Variants in NCK2 observed in about 807,000 individuals in gnomAD.
NCK2 encodes cytoplasmic protein NCK2.
Under a neutral mutation model 33.9 loss-of-function variants are expected in NCK2, and 16 were observed. The ratio of observed to expected loss-of-function variants is 0.47; its 90% CI spans 0.32 to 0.72. The LOEUF (loss-of-function observed/expected upper bound fraction) is 0.72, where lower values mean the gene tolerates loss of function less well. Ranked by LOEUF, NCK2 falls within the 30% of genes least tolerant of loss-of-function variation. The probability of loss-of-function intolerance (pLI) is 0.03; values close to 1 mark genes in which losing one functional copy is unlikely to be tolerated. For missense variants in NCK2, 418 were observed against 537.3 expected (o/e 0.78, Z 2.19); for synonymous variants, 273 against 239.9 (o/e 1.14, Z -1.27).
At chr2:105,833,834 GT>G (rs1043258248) in intron 2 of NCK2, among the ~76,000 whole-genome samples, 7 of 152,018 alleles carry the variant, frequency 4.6e-5, no homozygotes, top group Non-Finnish European at 5.9e-5. Context: ...GTATCCCACA[GT>G]TTTTGGTATA....
At position 105,893,457 on chromosome 2, in the gene NCK2, C is replaced by T. The variant is rs913771424; in HGVS notation, c.*281C>T. On this transcript the variant is annotated 3_prime_UTR_variant, in exon 5 of 5. Transcript: ENST00000233154. Reference sequence around the variant, plus strand: ...GGCGCTCGTGCATTCAACTCGTTCCCGCTCATGGAACCCCTCTTTAAAAAG... The same window carrying T: ...GGCGCTCGTGCATTCAACTCGTTCCTGCTCATGGAACCCCTCTTTAAAAAG... The T allele has an allele frequency of 2.0e-5, 7 of 356,438 alleles. No homozygotes were observed. The highest frequency in any genetic ancestry group is 4.4e-5 in the South Asian group (1 of 22,886). The allele number at this position is 356,438 out of a possible 1,614,324, so 22.1% of individuals were successfully genotyped here.
intron 2 of NCK2, among the ~76,000 whole-genome samples, chr2:105,833,416 T>A (rs1381009084): frequency 6.6e-6 from 1 of 152,176 alleles, no homozygotes; most frequent in Non-Finnish European, 1.5e-5. Flanking sequence ...TTCTGCTTCA[T>A]TGTCAGCAAG....
chr2:105,883,111 T>C (rs1678575035), intron 4 of NCK2, among the ~76,000 whole-genome samples: 1 of 152,182 alleles, frequency 6.6e-6, no homozygotes. Context: ...CTTTATGGTG[T>C]CATCAATTTT....
At chr2:105,807,965 C>T (rs1028554480) in intron 1 of NCK2, among the ~76,000 whole-genome samples, 1 of 151,414 alleles carries the variant, frequency 6.6e-6, no homozygotes, top group East Asian at 2.0e-4. Flanking sequence ...GTGCAGTGTG[C>T]GATCTCAGCT....
chr2:105,770,150 G>A (rs1387904483), intron 1 of NCK2, among the ~76,000 whole-genome samples: 1 of 150,710 alleles, frequency 6.6e-6, no homozygotes, highest in Admixed American at 6.6e-5. Flanking sequence ...AAAGAAAAAG[G>A]TATATTGCAA....
chr2:105,804,400 AG>A (rs1674952185), intron 1 of NCK2, among the ~76,000 whole-genome samples: 2 of 152,198 alleles, frequency 1.3e-5, no homozygotes, highest in Admixed American at 1.3e-4. Context: ...CCCAGTTAAA[AG>A]GCTAGGCATG....
chr2:105,829,560 C>G (rs987156568), intron 2 of NCK2, among the ~76,000 whole-genome samples: 1 of 152,132 alleles, frequency 6.6e-6, no homozygotes, highest in South Asian at 2.1e-4. Context: ...CTCAGACTTT[C>G]CTTGTTTTGT....
chr2:105,849,831 A>G (rs1432391955), intron 2 of NCK2, among the ~76,000 whole-genome samples: 1 of 152,178 alleles, frequency 6.6e-6, no homozygotes, highest in Non-Finnish European at 1.5e-5. Context: ...CCCTCCTGAC[A>G]GGTATGACAT....
intron 1 of NCK2, among the ~76,000 whole-genome samples, chr2:105,784,923 A>G (rs1412039236): frequency 6.6e-6 from 1 of 152,212 alleles, no homozygotes; most frequent in Non-Finnish European, 1.5e-5. Flanking sequence ...TGCTTTCTGA[A>G]GCAGGTAGTT....
At chr2:105,828,261 C>T (rs759183991) in intron 2 of NCK2, among the ~76,000 whole-genome samples, 7 of 152,058 alleles carry the variant, frequency 4.6e-5, no homozygotes, top group African/African-American at 1.2e-4. Flanking sequence ...AATTGGGCAC[C>T]GTTCAAGATT....
chr2:105,857,510 A>G (rs930583705), intron 3 of NCK2, among the ~76,000 whole-genome samples: 1 of 152,242 alleles, frequency 6.6e-6, no homozygotes, highest in African/African-American at 2.4e-5. Flanking sequence ...TCTGCCCTCT[A>G]GGCCTGTGCT....
intron 1 of NCK2, among the ~76,000 whole-genome samples, chr2:105,785,353 G>A (rs1262933311): frequency 5.3e-5 from 8 of 152,138 alleles, no homozygotes; most frequent in East Asian, 1.9e-4. Context: ...CGGTTCCCCC[G>A]TCCTGGCCAA....
intron 2 of NCK2, chr2:105,854,425 G>C (rs1029732115): frequency 6.6e-6 from 1 of 152,290 alleles, no homozygotes; most frequent in Admixed American, 6.5e-5. Flanking sequence ...CCCTTTACCT[G>C]GTTTCTCATT....
At chr2:105,861,886 A>G (rs1173018499) in intron 3 of NCK2, among the ~76,000 whole-genome samples, 2 of 149,012 alleles carry the variant, frequency 1.3e-5, no homozygotes, top group Non-Finnish European at 3.0e-5. Flanking sequence ...TTAAGATCAG[A>G]CTGGCCTGGA....
intron 3 of NCK2, among the ~76,000 whole-genome samples, chr2:105,878,643 A>G (rs965443397): frequency 6.6e-6 from 1 of 152,222 alleles, no homozygotes; most frequent in Non-Finnish European, 1.5e-5. Flanking sequence ...GGTACTTATC[A>G]TGGTTCCCTG....
At chr2:105,890,170 C>T (rs995647953) in intron 4 of NCK2, among the ~76,000 whole-genome samples, 2 of 152,068 alleles carry the variant, frequency 1.3e-5, no homozygotes, top group Non-Finnish European at 2.9e-5. Context: ...CAGGAGCCCA[C>T]GAAATTAAAA....
In NCK2 at chr2:105,791,480, C is replaced by T. The variant is rs144882542; in HGVS notation, c.-200-24950C>T. Among the ~76,000 whole-genome samples, 49 of 152,330 alleles carry T rather than the reference C, an allele frequency of 3.2e-4. No individual in the cohort carries two copies. In the Middle Eastern group the frequency reaches 0.014, roughly 42 times the overall value. ...ACCCTCGCCCCGTTGCCGTGCTTAC[C>T]GGCCAGAGTGCTGCTGCAGATTACT... On this transcript the variant is annotated intron_variant, in intron 1 of 4. Coordinates refer to ENST00000233154, the MANE Select transcript of NCK2 (RefSeq NM_003581.5).
chr2:105,760,789 T>C (rs1326183049), intron 1 of NCK2, among the ~76,000 whole-genome samples: 1 of 151,634 alleles, frequency 6.6e-6, no homozygotes, highest in African/African-American at 2.4e-5. Context: ...TTTTGTCACA[T>C]GTGAGAGAGA....
At chr2:105,849,872 A>G (rs1676995706) in intron 2 of NCK2, among the ~76,000 whole-genome samples, 1 of 152,222 alleles carries the variant, frequency 6.6e-6, no homozygotes, top group Non-Finnish European at 1.5e-5. Flanking sequence ...TTATGACTGT[A>G]GTTGCCATTC....
Sources: allele counts gnomAD v4.1 joint callset (sites outside exome capture counted in the v4.1 genomes callset), GRCh38; gene constraint gnomAD v4.1.1; transcripts MANE v1.5; gene names NCBI Gene and HGNC (gene_info 2026-07-23, HGNC 2026-07-21).